Variants in CDC20B observed in about 807,000 individuals in gnomAD.
CDC20B encodes cell division cycle protein 20 homolog B.
CDC20B carries 58 observed loss-of-function variants against 64.1 expected under a neutral mutation model. That is an observed-to-expected ratio of 0.90 (90% CI 0.73 to 1.13). The LOEUF (loss-of-function observed/expected upper bound fraction) is 1.13, where lower values mean the gene tolerates loss of function less well. Among genes scored for constraint, CDC20B ranks in the 50% most tolerant of loss-of-function variants. The pLI is 0.00. For missense variants in CDC20B, 597 were observed against 633.0 expected (o/e 0.94, Z 0.61); for synonymous variants, 243 against 230.6 (o/e 1.05, Z -0.49).
At chr5:55,118,964 A>G (rs1742689890) in intron 11 of CDC20B, among the ~76,000 whole-genome samples, 1 of 152,108 alleles carries the variant, frequency 6.6e-6, no homozygotes. Flanking sequence ...AGGCTCCCTG[A>G]GGGCAAGAAC....
intron 6 of CDC20B, among the ~76,000 whole-genome samples, chr5:55,129,361 A>G (rs1422623457): frequency 4.6e-5 from 7 of 152,210 alleles, no homozygotes; most frequent in African/African-American, 1.7e-4. Flanking sequence ...TAAGGGAGTC[A>G]AAATTTGGAG....
intron 3 of CDC20B, among the ~76,000 whole-genome samples, chr5:55,145,573 G>C (rs547121407): frequency 6.6e-6 from 1 of 152,064 alleles, no homozygotes; most frequent in Non-Finnish European, 1.5e-5. Flanking sequence ...TTTGTGTTTC[G>C]GGGCTCTGGC....
At chr5:55,149,381 C>T (rs1743595571) in intron 2 of CDC20B, among the ~76,000 whole-genome samples, 1 of 152,172 alleles carries the variant, frequency 6.6e-6, no homozygotes, top group Non-Finnish European at 1.5e-5. Flanking sequence ...TATATGTACT[C>T]AAACTCAAAT....
chr5:55,125,697 A>C (rs1742868804), intron 8 of CDC20B, among the ~76,000 whole-genome samples: 1 of 152,236 alleles, frequency 6.6e-6, no homozygotes, highest in South Asian at 2.1e-4. Context: ...GGATTAATTT[A>C]ATTTTCTCTA....
At chr5:55,159,155 C>T (rs1015392110) in intron 2 of CDC20B, among the ~76,000 whole-genome samples, 11 of 152,076 alleles carry the variant, frequency 7.2e-5, no homozygotes, top group African/African-American at 2.7e-4. Context: ...TAACTGGGAC[C>T]ACAGCCATGC....
chr5:55,172,281 A>G, intron 2 of CDC20B: 1 of 299,150 alleles, frequency 3.3e-6, no homozygotes. Context: ...TGCAACAGAG[A>G]GGAGTGCAAC....
chr5:55,140,074 T>A (rs1375993155), intron 5 of CDC20B, among the ~76,000 whole-genome samples: 1 of 152,088 alleles, frequency 6.6e-6, no homozygotes, highest in Non-Finnish European at 1.5e-5. Context: ...CAATATTATT[T>A]AGAAAATAGA....
At chr5:55,118,815 A>C (rs1013756190) in intron 11 of CDC20B, among the ~76,000 whole-genome samples, 2 of 152,198 alleles carry the variant, frequency 1.3e-5, no homozygotes, top group East Asian at 3.8e-4. Context: ...GCTCATCATC[A>C]GAGGCAGGAA....
At chr5:55,168,533 A>AT (rs1466066585) in intron 2 of CDC20B, among the ~76,000 whole-genome samples, 1 of 151,762 alleles carries the variant, frequency 6.6e-6, no homozygotes, top group African/African-American at 2.4e-5. Flanking sequence ...TCTTTAACAT[A>AT]TTTTTTATTT....
At chr5:55,155,389 G>A (rs1178345234) in intron 2 of CDC20B, among the ~76,000 whole-genome samples, 3 of 152,128 alleles carry the variant, frequency 2.0e-5, no homozygotes, top group Non-Finnish European at 2.9e-5. Flanking sequence ...ACCTGCTGGC[G>A]ATGCTAGTCT....
At chr5:55,171,263 A>C (rs1246047071) in intron 2 of CDC20B, among the ~76,000 whole-genome samples, 1 of 152,222 alleles carries the variant, frequency 6.6e-6, no homozygotes, top group African/African-American at 2.4e-5. Context: ...CAGTGAGCCG[A>C]GATTGCACCA....
At chr5:55,124,696 G>T in intron 9 of CDC20B, 107 bp downstream of exon 9, 2 of 983,730 alleles carry the variant, frequency 2.0e-6, no homozygotes, top group Non-Finnish European at 3.0e-6. Flanking sequence ...AAATTCTAGA[G>T]AAAGAAAAAT....
chr5:55,137,686 G>T (rs925716360), intron 5 of CDC20B: 1 of 456,586 alleles, frequency 2.2e-6, no homozygotes, highest in African/African-American at 2.0e-5. Flanking sequence ...TGGAGGAATG[G>T]CCATGTAAGT....
At position 55,114,753 on chromosome 5, in the gene CDC20B, TCTC is replaced by T. The variant is rs935246846; in HGVS notation, c.1460-438_1460-436del. Among the ~76,000 whole-genome samples the T allele has an allele frequency of 6.6e-6, 1 of 152,238 alleles. No homozygotes were observed. Among genetic ancestry groups the T allele is most frequent in the African/African-American group, 2.4e-5 (1 of 41,546 alleles). On this transcript the variant is annotated intron_variant, in intron 11 of 11. Transcript: ENST00000381375. The surrounding 1 kb of genome is among the most constrained non-coding windows in gnomAD (Gnocchi z 4.1). ...TCCAGGCTCTGCCTCTGAGACCACATCTCCTCCTCTTCTGTGTGTCTTTTCTCC... is the reference window on the plus strand; with the variant it reads ...TCCAGGCTCTGCCTCTGAGACCACATCTCCTCTTCTGTGTGTCTTTTCTCC...
At chr5:55,116,523 A>C (rs1742630619) in intron 11 of CDC20B, among the ~76,000 whole-genome samples, 1 of 152,232 alleles carries the variant, frequency 6.6e-6, no homozygotes, top group Non-Finnish European at 1.5e-5. Flanking sequence ...AACACAGCTC[A>C]CTGCAGCCTC....
chr5:55,131,626 T>C (rs562216180), intron 6 of CDC20B, among the ~76,000 whole-genome samples: 3 of 152,314 alleles, frequency 2.0e-5, no homozygotes, highest in Admixed American at 6.5e-5. Flanking sequence ...GAGGAGTTCT[T>C]TGGTAATGTT....
intron 2 of CDC20B, among the ~76,000 whole-genome samples, chr5:55,158,147 T>C (rs1324579540): frequency 6.6e-6 from 1 of 152,210 alleles, no homozygotes; most frequent in Non-Finnish European, 1.5e-5. Context: ...GTACAGATTC[T>C]GACTCGGGAA....
In CDC20B at chr5:55,114,218, C is replaced by T; in HGVS notation, c.1560G>A (p.Ter520=). 1 of 1,613,284 alleles carries T rather than the reference C, an allele frequency of 6.2e-7. No individual in the cohort carries two copies. Among genetic ancestry groups the T allele is most frequent in the African/African-American group, 1.3e-5 (1 of 74,982 alleles). Residue 520 remains the stop codon, a stop_retained_variant, in exon 12 of 12, where the codon TAG becomes TAA. Transcript: ENST00000381375. The surrounding 1 kb of genome is among the most constrained non-coding windows in gnomAD (Gnocchi z 4.1). ...DGTASVWNCY[*] is the part of the protein sequence containing the mutation. Reference sequence around the variant, plus strand: ...AACTGAAACCTAGAGGGGCTGGGTGCTAGTAGCAATTCCATACAGAGGCCG... The same window carrying T: ...AACTGAAACCTAGAGGGGCTGGGTGTTAGTAGCAATTCCATACAGAGGCCG...
At chr5:55,140,292 G>A (rs1185986864) in intron 5 of CDC20B, 22 bp downstream of exon 5, 2 of 1,486,516 alleles carry the variant, frequency 1.3e-6, no homozygotes, top group Admixed American at 1.9e-5. Flanking sequence ...CAGGAAAGAA[G>A]GACAATGTCT....
Sources: allele counts gnomAD v4.1 joint callset (sites outside exome capture counted in the v4.1 genomes callset), GRCh38; gene constraint gnomAD v4.1.1; non-coding constraint Gnocchi (gnomAD v3.1); transcripts MANE v1.5; gene names NCBI Gene and HGNC (gene_info 2026-07-23, HGNC 2026-07-21).